Variants in PKNOX1 observed in about 807,000 individuals in gnomAD.
PKNOX1 encodes the protein homeobox protein PKNOX1.
PKNOX1 carries 15 observed loss-of-function variants against 51.9 expected under a neutral mutation model. That is an observed-to-expected ratio of 0.29 (90% CI 0.19 to 0.45). The LOEUF (loss-of-function observed/expected upper bound fraction) is 0.45, where lower values mean the gene tolerates loss of function less well. Ranked by LOEUF, PKNOX1 falls within the 20% of genes least tolerant of loss-of-function variation. The pLI, the probability that PKNOX1 is intolerant of heterozygous loss-of-function variation, is 1.00. For missense variants in PKNOX1, 462 were observed against 547.5 expected (o/e 0.84, Z 1.56); for synonymous variants, 219 against 211.1 (o/e 1.04, Z -0.32).
At chr21:43,015,720 G>C (rs1335711923) in intron 5 of PKNOX1, among the ~76,000 whole-genome samples, 2 of 152,174 alleles carry the variant, frequency 1.3e-5, no homozygotes, top group Non-Finnish European at 2.9e-5. Flanking sequence ...TAGGAGTTTA[G>C]AGTTGGTCTA....
chr21:43,012,584 C>G lies in PKNOX1; in HGVS notation c.352-484C>G, dbSNP rs549907110. Among the ~76,000 whole-genome samples the G allele has an allele frequency of 3.9e-5, 6 of 152,248 alleles. No individual in the cohort carries two copies. The South Asian group carries it at 1.2e-3, about 32-fold the overall frequency. ...CTCTGTCTCAAAAAACAAAACAAAA[C>G]AAAATGATATAACTTTTAGAAAAAT... On this transcript the variant is annotated intron_variant, in intron 4 of 10. Transcript: ENST00000291547.
At chr21:42,984,118 G>C (rs1227146082) in intron 1 of PKNOX1, among the ~76,000 whole-genome samples, 4 of 151,648 alleles carry the variant, frequency 2.6e-5, no homozygotes, top group African/African-American at 9.7e-5. Flanking sequence ...GTTTTAAAGA[G>C]ACAGGGTCTC....
At chr21:42,975,110 G>A (rs1349059040) in intron 1 of PKNOX1, among the ~76,000 whole-genome samples, 3 of 144,298 alleles carry the variant, frequency 2.1e-5, no homozygotes, top group Non-Finnish European at 4.6e-5. Context: ...GGGGGCGCGC[G>A]GCGGGGCGGG....
At chr21:42,974,926 G>C (rs1462023532) in intron 1 of PKNOX1, among the ~76,000 whole-genome samples, 1 of 145,364 alleles carries the variant, frequency 6.9e-6, no homozygotes, top group Non-Finnish European at 1.5e-5. Flanking sequence ...CGCCCAGTTG[G>C]TTTCTTAGTG....
chr21:43,020,979 C>A (rs1014116243), intron 7 of PKNOX1, among the ~76,000 whole-genome samples: 1 of 152,174 alleles, frequency 6.6e-6, no homozygotes, highest in East Asian at 1.9e-4. Flanking sequence ...TGTGGTGATG[C>A]GTGGCTGTGG....
At position 43,032,345 on chromosome 21, in the gene PKNOX1, T is replaced by C. The variant is rs378528; in HGVS notation, c.*2244T>C. On this transcript the variant is annotated 3_prime_UTR_variant, in exon 11 of 11. Transcript: ENST00000291547. ...CACCACCCTCCGTCTCTTCGGCTGC[T>C]TGCTCTTTAGTGTAGATTAGTGGAA... is the stretch of plus-strand genomic sequence containing the variant. 293,080 of 386,192 alleles carry C rather than the reference T, an allele frequency of 0.76. 112,818 individuals carry two copies. The highest frequency in any genetic ancestry group is 0.8 in the African/African-American group (38,487 of 47,872). The allele number at this position is 386,192 out of a possible 1,614,324, so 23.9% of individuals were successfully genotyped here.
intron 9 of PKNOX1, among the ~76,000 whole-genome samples, chr21:43,026,424 C>T (rs1979985042): frequency 6.6e-6 from 1 of 152,150 alleles, no homozygotes; most frequent in African/African-American, 2.4e-5. Context: ...ATCATTAGTT[C>T]ATGCCTCTGC....
In PKNOX1 at chr21:43,032,007, A is replaced by G. The variant is rs182583263; in HGVS notation, c.*1906A>G. The G allele has an allele frequency of 5.8e-5, 21 of 363,172 alleles. No individual in the cohort carries two copies. The highest frequency in any genetic ancestry group is 1.1e-4 in the Non-Finnish European group (19 of 180,898). 22.5% of individuals were successfully genotyped at this position (363,172 alleles called of 1,614,324 possible). A position where few individuals can be genotyped will look rare whatever the true frequency, so the allele number is the denominator to read the frequency against. On this transcript the variant is annotated 3_prime_UTR_variant, in exon 11 of 11. Transcript: ENST00000291547. ...CTCCTGAGTAGCTGGGATTACAGGC[A>G]TGCGCCACCACACCCGGCTAATTTT...
At chr21:42,983,099 T>G (rs11910364) in intron 1 of PKNOX1, among the ~76,000 whole-genome samples, 135,999 of 152,030 alleles carry the variant, frequency 0.89, 60,955 homozygotes, top group Non-Finnish European at 0.91. Flanking sequence ...CATGAACCAC[T>G]GTGGCTGGCC....
chr21:42,991,465 G>A (rs1351364561), intron 1 of PKNOX1, among the ~76,000 whole-genome samples: 2 of 152,114 alleles, frequency 1.3e-5, no homozygotes, highest in Admixed American at 6.5e-5. Context: ...GGTGGCTCAC[G>A]CCTGTAGTCC....
Position 42,975,975 on chromosome 21 carries a change from T to C in PKNOX1, c.-57+1311T>C, listed in dbSNP as rs371827018. Among the ~76,000 whole-genome samples, 9 of 152,348 alleles carry C rather than the reference T, an allele frequency of 5.9e-5. No homozygotes were observed. The South Asian group carries it at 6.2e-4, about 11-fold the overall frequency. ...ATGTGAACCTCTGCCAGTATAGTTA[T>C]TGGTGATGCTCTTGCATTTAGTCAT... is the stretch of plus-strand genomic sequence containing the variant. On this transcript the variant is annotated intron_variant, in intron 1 of 10. Transcript: ENST00000291547.
chr21:43,014,339 A>G (rs561431533), intron 5 of PKNOX1, among the ~76,000 whole-genome samples: 1 of 147,128 alleles, frequency 6.8e-6, no homozygotes, highest in African/African-American at 2.4e-5. Context: ...CGCATTTTTT[A>G]GTTGGATTTT....
At chr21:43,020,073 A>G (rs2146286417) in intron 7 of PKNOX1, among the ~76,000 whole-genome samples, 1 of 151,964 alleles carries the variant, frequency 6.6e-6, no homozygotes, top group African/African-American at 2.4e-5. Flanking sequence ...GTGGGACTAC[A>G]GGCATGTGCC....
In PKNOX1 at chr21:42,993,986, C is replaced by T. The variant is rs1256042463; in HGVS notation, c.-56-10340C>T. On this transcript the variant is annotated intron_variant, in intron 1 of 10. Transcript: ENST00000291547. ...GACCTCAGGTGATCCACTGGCTCAG[C>T]CTCTCAAAGTGTTGGGATTACAGGT... Among the ~76,000 whole-genome samples the T allele has an allele frequency of 2.7e-5, 4 of 149,488 alleles. No individual in the cohort carries two copies. The Admixed American group carries it at 2.7e-4, about 10-fold the overall frequency.
rs114028394 is a variant in PKNOX1, at chr21:43,025,831, T to G, written c.926+884T>G. 7.4e-3 allele frequency among the ~76,000 whole-genome samples: 1,132 copies of G among 152,330 alleles called. 10 individuals are homozygous for G. Among genetic ancestry groups the G allele is most frequent in the African/African-American group, 0.026 (1,077 of 41,566 alleles). On this transcript the variant is annotated intron_variant, in intron 9 of 10. Coordinates refer to ENST00000291547, the MANE Select transcript of PKNOX1 (RefSeq NM_004571.5). ...TGTTGAAGTTCCAGCAAGAAAGTCTTTGTCTTTGTGCAGTCGTGTGTGCGG... is the reference window on the plus strand; with the variant it reads ...TGTTGAAGTTCCAGCAAGAAAGTCTGTGTCTTTGTGCAGTCGTGTGTGCGG...
chr21:42,987,543 G>A (rs530228919), intron 1 of PKNOX1, among the ~76,000 whole-genome samples: 2 of 150,480 alleles, frequency 1.3e-5, no homozygotes, highest in East Asian at 3.9e-4. Context: ...GTCAGGGATT[G>A]GCAAACCACA....
At chr21:43,007,737 A>G in intron 3 of PKNOX1, 119 bp downstream of exon 3, 6 of 1,129,800 alleles carry the variant, frequency 5.3e-6, no homozygotes, top group Non-Finnish European at 7.8e-6. Context: ...TTATGATGTG[A>G]TAACTGCTCG....
chr21:42,983,434 C>T (rs1231591009), intron 1 of PKNOX1, among the ~76,000 whole-genome samples: 3 of 152,096 alleles, frequency 2.0e-5, no homozygotes, highest in Non-Finnish European at 4.4e-5. Flanking sequence ...CCATAATGTC[C>T]TTAAGGTTCA....
At chr21:42,974,735 C>G (rs2058982802) in intron 1 of PKNOX1, 71 bp downstream of exon 1, 1 of 162,838 alleles carries the variant, frequency 6.1e-6, no homozygotes, top group South Asian at 1.7e-4. Context: ...TCAATCACAC[C>G]GGCCCGCGGC....
Sources: allele counts gnomAD v4.1 joint callset (sites outside exome capture counted in the v4.1 genomes callset), GRCh38; gene constraint gnomAD v4.1.1; transcripts MANE v1.5; gene names NCBI Gene and HGNC (gene_info 2026-07-23, HGNC 2026-07-21).